The following PPP1R9A variants were observed in gnomAD, a reference collection of about 807,000 sequenced individuals.
PPP1R9A encodes protein phosphatase 1 regulatory subunit 9A.
In PPP1R9A, 59 loss-of-function variants were observed where a neutral mutation model predicts 141.9. That is an observed-to-expected ratio of 0.42 (90% confidence interval 0.34 to 0.52). The LOEUF (loss-of-function observed/expected upper bound fraction) is 0.52. Among genes scored for constraint, PPP1R9A ranks in the 20% least tolerant of loss-of-function variants. The pLI, the probability that PPP1R9A is intolerant of heterozygous loss-of-function variation, is 0.10. For synonymous variants in PPP1R9A, 500 were observed against 569.7 expected (o/e 0.88, Z 1.74); for missense variants, 1,444 against 1,611.9 (o/e 0.90, Z 1.78).
intron 2 of PPP1R9A, among the ~76,000 whole-genome samples, chr7:95,072,308 T>C (rs1813935676): frequency 6.9e-6 from 1 of 144,892 alleles, no homozygotes. Context: ...TTAATAATAT[T>C]GTATTATATA....
chr7:95,120,791 C>T lies in PPP1R9A; in HGVS notation c.1608C>T (p.Val536=), dbSNP rs750360548. The change falls in exon 4 of 20, where the codon GTC becomes GTT. Residue 536 remains valine, a synonymous_variant. Coordinates refer to ENST00000433360, the MANE Select transcript of PPP1R9A (RefSeq NM_001166160.2). ...GACTTGAAAAGCTGGGAATATTCGT[C>T]AAGACAGTAACAGAAGGTGGTGCTG... ...DAGLEKLGIF[V]KTVTEGGAAQ... 2 of 1,613,918 alleles carry T rather than the reference C, an allele frequency of 1.2e-6. No homozygotes were observed. Among genetic ancestry groups the T allele is most frequent in the South Asian group, 1.1e-5 (1 of 91,054 alleles).
intron 7 of PPP1R9A, among the ~76,000 whole-genome samples, chr7:95,207,203 A>G (rs1350314697): frequency 6.6e-6 from 1 of 152,092 alleles, no homozygotes; most frequent in East Asian, 1.9e-4. Flanking sequence ...ACAGCAGAAA[A>G]TAGAAGAAAG....
intron 5 of PPP1R9A, among the ~76,000 whole-genome samples, chr7:95,181,318 A>AAT (rs1317111294): frequency 1.4e-5 from 2 of 140,268 alleles, no homozygotes; most frequent in African/African-American, 2.7e-5. Context: ...ATATATATAG[A>AAT]ATATATATAT....
intron 4 of PPP1R9A, among the ~76,000 whole-genome samples, chr7:95,142,919 C>A (rs1055076782): frequency 2.6e-5 from 4 of 151,968 alleles, no homozygotes; most frequent in African/African-American, 9.7e-5. Flanking sequence ...CCATTATAAT[C>A]ATTCCTTCTC....
Position 95,293,007 on chromosome 7 carries a change from A to G in PPP1R9A, c.*2704A>G, listed in dbSNP as rs776585282. 5.3e-5 allele frequency: 8 copies of G among 152,212 alleles called. No individual in the cohort carries two copies. Among genetic ancestry groups the G allele is most frequent in the Non-Finnish European group, 1.0e-4 (7 of 68,036 alleles). The allele number at this position is 152,212 out of a possible 1,614,324, so 9.4% of individuals were successfully genotyped here. On this transcript the variant is annotated 3_prime_UTR_variant, in exon 20 of 20. Coordinates refer to ENST00000433360, the MANE Select transcript of PPP1R9A (RefSeq NM_001166160.2). ...ATCAACCTTAAAAACTGCAGTTTTTATTATCAGAAAATGAACAAAAAGGGA... is the reference window on the plus strand; with the variant it reads ...ATCAACCTTAAAAACTGCAGTTTTTGTTATCAGAAAATGAACAAAAAGGGA...
At chr7:95,020,843 A>G (rs556053282) in intron 2 of PPP1R9A, among the ~76,000 whole-genome samples, 1 of 152,280 alleles carries the variant, frequency 6.6e-6, no homozygotes, top group African/African-American at 2.4e-5. Context: ...CGTGGTGTAT[A>G]TGTGTCACAT....
Position 94,910,593 on chromosome 7 carries a change from C to T in PPP1R9A, c.480C>T (p.Ser160=). The T allele has an allele frequency of 6.2e-6, 10 of 1,614,058 alleles. No homozygotes were observed. Among genetic ancestry groups the T allele is most frequent in the Non-Finnish European group, 8.5e-6 (10 of 1,180,014 alleles). Residue 160 remains serine, a synonymous_variant, in exon 2 of 20, where the codon TCC becomes TCT. Transcript: ENST00000433360. This position sits in a 1 kb window ranked among gnomAD's most constrained non-coding sequence, Gnocchi z 4.5. ...AATCAGGACAGAACAACCGCTATTCCCCAAAGAAAGAGAAAGCTGGAGGGA... is the reference window on the plus strand; with the variant it reads ...AATCAGGACAGAACAACCGCTATTCTCCAAAGAAAGAGAAAGCTGGAGGGA... The part of the protein sequence containing the change: ...VHESGQNNRY[S]PKKEKAGGSE...
intron 4 of PPP1R9A, among the ~76,000 whole-genome samples, chr7:95,159,832 A>C (rs1830185286): frequency 6.6e-6 from 1 of 151,376 alleles, no homozygotes; most frequent in Non-Finnish European, 1.5e-5. Flanking sequence ...AGGCTGAGGC[A>C]GGAGAATCTC....
intron 2 of PPP1R9A, among the ~76,000 whole-genome samples, chr7:95,026,594 A>G (rs1440708225): frequency 6.6e-6 from 1 of 152,184 alleles, no homozygotes; most frequent in Admixed American, 6.5e-5. Context: ...TCTGACCCTT[A>G]GTGGAACTCA....
At chr7:95,047,952 A>C (rs1810265215) in intron 2 of PPP1R9A, among the ~76,000 whole-genome samples, 1 of 152,204 alleles carries the variant, frequency 6.6e-6, no homozygotes, top group Non-Finnish European at 1.5e-5. Flanking sequence ...GACAGAATTC[A>C]GTTTTATTTG....
At chr7:95,046,489 C>T (rs1017504229) in intron 2 of PPP1R9A, among the ~76,000 whole-genome samples, 4 of 152,212 alleles carry the variant, frequency 2.6e-5, no homozygotes, top group Admixed American at 2.6e-4. Flanking sequence ...ACCTTTTGGA[C>T]TCTGCTATTT....
chr7:95,178,439 G>T (rs140412763), intron 5 of PPP1R9A, among the ~76,000 whole-genome samples: 6 of 151,826 alleles, frequency 4.0e-5, no homozygotes, highest in Non-Finnish European at 7.4e-5. Context: ...GACTGAAAGA[G>T]CACAAACTGA....
Position 95,219,129 on chromosome 7 carries a change from A to C in PPP1R9A, c.1957-6832A>C, listed in dbSNP as rs542837499. Among the ~76,000 whole-genome samples, 3 of 152,024 alleles carry C rather than the reference A, an allele frequency of 2.0e-5. No individual in the cohort carries two copies. In the East Asian group the frequency reaches 5.8e-4, roughly 29 times the overall value. ...TACTGGTTGTTCCTTTCCATGTTTA[A>C]TGCTTCCTTCAGGAGCTCTTGTAGG... On this transcript the variant is annotated intron_variant, in intron 7 of 19. Transcript: ENST00000433360.
At chr7:95,008,127 T>C (rs913424549) in intron 2 of PPP1R9A, among the ~76,000 whole-genome samples, 1 of 152,076 alleles carries the variant, frequency 6.6e-6, no homozygotes, top group South Asian at 2.1e-4. Flanking sequence ...TCCTGTAAAA[T>C]TGAAATAATG....
intron 4 of PPP1R9A, among the ~76,000 whole-genome samples, chr7:95,125,380 G>A (rs1319756659): frequency 6.6e-6 from 1 of 151,936 alleles, no homozygotes; most frequent in Non-Finnish European, 1.5e-5. Flanking sequence ...TTAGTTGAAT[G>A]ATATGATAGC....
chr7:95,286,007 C>A (rs555311961), intron 17 of PPP1R9A, among the ~76,000 whole-genome samples, 199 bp from the exon 18 acceptor site: 3 of 152,278 alleles, frequency 2.0e-5, no homozygotes, highest in African/African-American at 7.2e-5. Flanking sequence ...CCTTTCATCA[C>A]ATGGAGAAAG....
At chr7:95,172,104 A>G (rs1832203486) in intron 5 of PPP1R9A, among the ~76,000 whole-genome samples, 2 of 151,636 alleles carry the variant, frequency 1.3e-5, no homozygotes, top group African/African-American at 2.4e-5. Context: ...AATTTCCTCA[A>G]TGAGATAAAT....
chr7:94,989,833 A>G (rs1801287955), intron 2 of PPP1R9A, among the ~76,000 whole-genome samples: 1 of 152,080 alleles, frequency 6.6e-6, no homozygotes, highest in African/African-American at 2.4e-5. Flanking sequence ...TCAAGGTCAG[A>G]TTGCCCCTGT....
chr7:95,254,930 A>C (rs1799372502), intron 12 of PPP1R9A, among the ~76,000 whole-genome samples: 2 of 152,194 alleles, frequency 1.3e-5, no homozygotes, highest in Non-Finnish European at 2.9e-5. Flanking sequence ...AGTATTATTA[A>C]AATTTTGATA....
Sources: allele counts gnomAD v4.1 joint callset (sites outside exome capture counted in the v4.1 genomes callset), GRCh38; gene constraint gnomAD v4.1.1; non-coding constraint Gnocchi (gnomAD v3.1); transcripts MANE v1.5; gene names NCBI Gene and HGNC (gene_info 2026-07-23, HGNC 2026-07-21).